The following ABRAXAS1 variants were observed in gnomAD, a reference collection of about 807,000 sequenced individuals.
ABRAXAS1 encodes abraxas 1, BRCA1 A complex subunit, also known as BRCA1-A complex subunit Abraxas 1.
A neutral mutation model predicts 38.4 loss-of-function variants in ABRAXAS1; 26 were observed. The ratio of observed to expected loss-of-function variants is 0.68; its 90% confidence interval spans 0.50 to 0.94. The LOEUF (loss-of-function observed/expected upper bound fraction) is 0.94. Ranked by LOEUF, ABRAXAS1 falls within the 40% of genes least tolerant of loss-of-function variation. ABRAXAS1 has a pLI of 0.00. For missense variants in ABRAXAS1, 438 were observed against 481.9 expected (o/e 0.91, Z 0.85); for synonymous variants, 144 against 165.5 (o/e 0.87, Z 1.00).
intron 6 of ABRAXAS1, 95 bp from the exon 7 acceptor site, chr4:83,467,633 CTT>C: frequency 7.2e-6 from 5 of 694,282 alleles, no homozygotes; most frequent in Non-Finnish European, 1.3e-5. Flanking sequence ...ATAGAAGAGT[CTT>C]TTTACTGGTT....
intron 7 of ABRAXAS1, among the ~76,000 whole-genome samples, chr4:83,465,479 T>C (rs1203990029): frequency 6.6e-6 from 1 of 151,476 alleles, no homozygotes; most frequent in Non-Finnish European, 1.5e-5. Context: ...AGAGTGAAAA[T>C]AGTTATGTTA....
intron 6 of ABRAXAS1, among the ~76,000 whole-genome samples, chr4:83,468,050 C>T (rs529240344): frequency 3.3e-5 from 5 of 152,232 alleles, no homozygotes; most frequent in Admixed American, 1.3e-4. Context: ...CGCCTGTAAT[C>T]CCAACACTTT....
intron 1 of ABRAXAS1, chr4:83,484,058 G>C: frequency 1.0e-6 from 1 of 973,610 alleles, no homozygotes; most frequent in Non-Finnish European, 1.2e-6. Flanking sequence ...TGTAGAGACC[G>C]GGTCTCACTA....
intron 2 of ABRAXAS1, chr4:83,478,944 AAAG>A (rs1722881832): frequency 6.6e-6 from 1 of 152,314 alleles, no homozygotes; most frequent in Non-Finnish European, 1.5e-5. Context: ...AAATGCAGCC[AAAG>A]AATAGGCCTA....
chr4:83,472,773 G>A (rs1722630631), intron 3 of ABRAXAS1, among the ~76,000 whole-genome samples: 1 of 152,132 alleles, frequency 6.6e-6, no homozygotes, highest in Non-Finnish European at 1.5e-5. Flanking sequence ...GTGGGGGAAG[G>A]GAATAGGTTT....
chr4:83,462,489 A>G lies in ABRAXAS1; in HGVS notation c.1210T>C (p.Ser404Pro). 6.2e-7 allele frequency: 1 copy of G among 1,612,900 alleles called. No individual in the cohort carries two copies. Among genetic ancestry groups the G allele is most frequent in the Non-Finnish European group, 8.5e-7 (1 of 1,179,538 alleles). ...IEKMKGFGEY[S>P]RSPTF ...AAGGATCAAAATGTAGGAGACCGTGAATATTCACCAAAACCCTTCATCTTT... is the reference window on the plus strand; with the variant it reads ...AAGGATCAAAATGTAGGAGACCGTGGATATTCACCAAAACCCTTCATCTTT... The change falls in exon 9 of 9, where the codon TCA becomes CCA. Residue 404 changes from serine (S) to proline (P), a missense_variant. Physicochemically the swap from Ser to Pro is moderately conservative, Grantham distance 74. Transcript: ENST00000321945.
chr4:83,467,308 T>C (rs1578126128), intron 7 of ABRAXAS1, 146 bp downstream of exon 7: 2 of 557,036 alleles, frequency 3.6e-6, no homozygotes, highest in East Asian at 6.7e-5. Context: ...TAATGACACA[T>C]TTCTCAGAAG....
In ABRAXAS1 at chr4:83,485,069, C is replaced by T; in HGVS notation, c.4G>A (p.Glu2Lys). M[E>K]GESTSAVLSG... ...AGCACCGCCGACGTACTCTCCCCCTCCATGCTACCGCCGCCTCAGGCTACA... is the reference window on the plus strand; with the variant it reads ...AGCACCGCCGACGTACTCTCCCCCTTCATGCTACCGCCGCCTCAGGCTACA... Residue 2 changes from glutamate to lysine, a missense_variant, in exon 1 of 9, where the codon GAG becomes AAG. By Grantham distance (56) the Glu-to-Lys change is moderately conservative. This residue lies in a region of ABRAXAS1 where 60 missense variants were observed against 31.1 expected (regional missense o/e 1.93). Coordinates refer to ENST00000321945, the MANE Select transcript of ABRAXAS1 (RefSeq NM_139076.3). 6.3e-7 allele frequency: 1 copy of T among 1,587,704 alleles called. No individual in the cohort carries two copies. Among genetic ancestry groups the T allele is most frequent in the Non-Finnish European group, 8.6e-7 (1 of 1,167,484 alleles).
rs1308142665 is a variant in ABRAXAS1, at chr4:83,482,221, T to C, written c.111A>G (p.Val37=). ...TAATGCTGTTCTTGGCTTCACCTTT[T>C]ACTTCCCCAAGAAGAAAACCTTCCT... The part of the protein sequence containing the change: ...SDTEGFLLGE[V]KGEAKNSITD... Residue 37 remains valine, a synonymous_variant, in exon 2 of 9, where the codon GTA becomes GTG. Coordinates refer to ENST00000321945, the MANE Select transcript of ABRAXAS1 (RefSeq NM_139076.3). 3 of 1,611,764 alleles carry C rather than the reference T, an allele frequency of 1.9e-6. No individual in the cohort carries two copies. The highest frequency in any genetic ancestry group is 2.5e-6 in the Non-Finnish European group (3 of 1,178,976).
In ABRAXAS1 at chr4:83,462,497, C is replaced by T. The variant is rs529156082; in HGVS notation, c.1202G>A (p.Gly401Asp). The T allele has an allele frequency of 1.2e-6, 2 of 1,613,668 alleles. No individual in the cohort carries two copies. The highest frequency in any genetic ancestry group is 2.2e-5 in the South Asian group (2 of 91,022). ...AAATGTAGGAGACCGTGAATATTCA[C>T]CAAAACCCTTCATCTTTTCAATTTC... Reference protein sequence around the residue: ...DEEIEKMKGFGEYSRSPTF With the variant: ...DEEIEKMKGFDEYSRSPTF The change falls in exon 9 of 9, where the codon GGT becomes GAT. Residue 401 changes from glycine to aspartate, a missense_variant. Physicochemically the swap from Gly to Asp is moderately conservative, Grantham distance 94. Coordinates refer to ENST00000321945, the MANE Select transcript of ABRAXAS1 (RefSeq NM_139076.3).
Position 83,461,107 on chromosome 4 carries a change from T to G in ABRAXAS1, c.*1362A>C. 6.2e-7 allele frequency: 1 copy of G among 1,613,440 alleles called. No individual in the cohort carries two copies. ...CATTATGTTTTGTCAAGAACTTTAA[T>G]TATCTCTTTACAGGGTTTATGCCAG... is the stretch of plus-strand genomic sequence containing the variant. On this transcript the variant is annotated 3_prime_UTR_variant, in exon 9 of 9. Transcript: ENST00000321945.
chr4:83,470,939 A>C (rs1029469812), intron 4 of ABRAXAS1, among the ~76,000 whole-genome samples: 1 of 152,226 alleles, frequency 6.6e-6, no homozygotes, highest in East Asian at 1.9e-4. Flanking sequence ...AAATGTGTTA[A>C]TACTACTAGA....
chr4:83,466,049 C>A (rs1024369635), intron 7 of ABRAXAS1, among the ~76,000 whole-genome samples: 2 of 152,148 alleles, frequency 1.3e-5, no homozygotes, highest in Admixed American at 1.3e-4. Context: ...TAGCCAATGA[C>A]TAAGCACACT....
chr4:83,460,304 T>A lies in ABRAXAS1; in HGVS notation c.*2165A>T, dbSNP rs776855566. 1 of 152,304 alleles carries A rather than the reference T, an allele frequency of 6.6e-6. No individual in the cohort carries two copies. The highest frequency in any genetic ancestry group is 1.5e-5 in the Non-Finnish European group (1 of 68,236). 9.4% of individuals were successfully genotyped at this position (152,304 alleles called of 1,614,324 possible). ...TCCCGAATAGCTGGGATTACAGGCA[T>A]GCACCACCACGCCTGGCTAATTTTT... On this transcript the variant is annotated 3_prime_UTR_variant, in exon 9 of 9. Transcript: ENST00000321945.
intron 4 of ABRAXAS1, 23 bp from the exon 5 acceptor site, chr4:83,470,419 T>C: frequency 1.9e-6 from 3 of 1,551,232 alleles, no homozygotes; most frequent in Non-Finnish European, 2.7e-6. Flanking sequence ...ATAAAAAGGA[T>C]ATACATCTTA....
intron 2 of ABRAXAS1, among the ~76,000 whole-genome samples, 158 bp from the exon 3 acceptor site, chr4:83,476,837 C>G (rs1241577492): frequency 6.6e-6 from 1 of 152,142 alleles, no homozygotes. Context: ...TATCATTATT[C>G]CCCTTTCAAA....
intron 6 of ABRAXAS1, 31 bp downstream of exon 6, chr4:83,469,001 G>C (rs1722482783): frequency 1.3e-5 from 21 of 1,595,586 alleles, no homozygotes; most frequent in Non-Finnish European, 1.7e-5. Flanking sequence ...AAGATGAATA[G>C]AAGTTTTGTG....
rs1359421507 is a variant in ABRAXAS1, at chr4:83,485,059, C to A, written c.14G>T (p.Ser5Ile). MEGESTSAVLSGFVL... is the reference protein window; with the variant it reads MEGEITSAVLSGFVL... Reference sequence around the variant, plus strand: ...AAAGCCCGAGAGCACCGCCGACGTACTCTCCCCCTCCATGCTACCGCCGCC... The same window carrying A: ...AAAGCCCGAGAGCACCGCCGACGTAATCTCCCCCTCCATGCTACCGCCGCC... The change falls in exon 1 of 9, where the codon AGT (serine) becomes ATT (isoleucine). Residue 5 changes from serine (S) to isoleucine (I), a missense_variant. By Grantham distance (142) the Ser-to-Ile change is moderately radical (BLOSUM62 -2). Around this residue, in one of 3 missense-constraint regions of ABRAXAS1, gnomAD observed 60 missense variants for 31.1 expected, o/e 1.93. Coordinates refer to ENST00000321945, the MANE Select transcript of ABRAXAS1 (RefSeq NM_139076.3). 5 of 1,590,726 alleles carry A rather than the reference C, an allele frequency of 3.1e-6. No individual in the cohort carries two copies. The highest frequency in any genetic ancestry group is 4.3e-6 in the Non-Finnish European group (5 of 1,169,242).
At chr4:83,472,190 A>G in intron 4 of ABRAXAS1, 32 bp downstream of exon 4, 1 of 1,385,500 alleles carries the variant, frequency 7.2e-7, no homozygotes, top group South Asian at 1.4e-5. Context: ...TGCAAATAAT[A>G]CCAAAAAAAG....
Sources: gnomAD v4.1 joint callset for allele counts (sites outside exome capture counted in the v4.1 genomes callset) on GRCh38, gnomAD v4.1.1 for gene constraint, gnomAD v4.1.1 regional missense constraint, MANE v1.5 for transcripts, NCBI Gene and HGNC (gene_info 2026-07-23, HGNC 2026-07-21) for gene names.